ZMAT4: variants seen among roughly 807,000 people sequenced by gnomAD.
ZMAT4 encodes the protein zinc finger matrin-type protein 4.
Under a neutral mutation model 28.7 loss-of-function variants are expected in ZMAT4, and 17 were observed. That is an observed-to-expected ratio of 0.59 (90% CI 0.41 to 0.89). ZMAT4 has a LOEUF of 0.89. Among genes scored for constraint, ZMAT4 ranks in the 40% least tolerant of loss-of-function variants. The pLI, the probability that ZMAT4 is intolerant of heterozygous loss-of-function variation, is 0.00. For synonymous variants in ZMAT4, 117 were observed against 109.2 expected, an observed-to-expected ratio of 1.07 and a Z score of -0.44; for missense variants, 240 against 283.8, an observed-to-expected ratio of 0.85 and a Z score of 1.11.
chr8:40,676,054 T>G (rs892199783), intron 4 of ZMAT4, among the ~76,000 whole-genome samples: 6 of 152,214 alleles, frequency 3.9e-5, no homozygotes, highest in Non-Finnish European at 7.3e-5. Context: ...TTCTATGTAT[T>G]ACAACATACA....
At chr8:40,608,242 C>G (rs2589881) in intron 5 of ZMAT4, among the ~76,000 whole-genome samples, 116,823 of 152,056 alleles carry the variant, frequency 0.77, 45,072 homozygotes, top group East Asian at 0.97. Context: ...CTTGGGCAAG[C>G]CTTGCTGTAG....
chr8:40,733,341 A>G (rs1266228178), intron 3 of ZMAT4, among the ~76,000 whole-genome samples: 3 of 152,214 alleles, frequency 2.0e-5, no homozygotes, highest in African/African-American at 7.2e-5. Flanking sequence ...CAAGCTTAAA[A>G]TGCCTTGAAA....
At chr8:40,537,755 G>A (rs1240138961) in intron 6 of ZMAT4, among the ~76,000 whole-genome samples, 1 of 152,124 alleles carries the variant, frequency 6.6e-6, no homozygotes, top group Non-Finnish European at 1.5e-5. Context: ...GATTATCTAG[G>A]GAGGTCGAAC....
At chr8:40,716,556 G>A (rs1413784979) in intron 3 of ZMAT4, among the ~76,000 whole-genome samples, 4 of 152,192 alleles carry the variant, frequency 2.6e-5, no homozygotes, top group South Asian at 4.1e-4. Flanking sequence ...GCTGGGTGTG[G>A]TGGTGCATGC....
chr8:40,682,611 G>A (rs1809225177), intron 4 of ZMAT4, among the ~76,000 whole-genome samples: 1 of 152,188 alleles, frequency 6.6e-6, no homozygotes, highest in Admixed American at 6.5e-5. Flanking sequence ...TATATCCGAT[G>A]TTTCAAAATA....
At chr8:40,781,501 G>T (rs893275455) in intron 2 of ZMAT4, among the ~76,000 whole-genome samples, 1 of 151,962 alleles carries the variant, frequency 6.6e-6, no homozygotes, top group Admixed American at 6.6e-5. Context: ...GGTGGCTCAC[G>T]CCTGTAATCC....
chr8:40,811,381 C>T (rs1815307437), intron 2 of ZMAT4, among the ~76,000 whole-genome samples: 1 of 152,186 alleles, frequency 6.6e-6, no homozygotes, highest in Non-Finnish European at 1.5e-5. Flanking sequence ...CAATTAAAGG[C>T]ATCCTCCGGA....
At chr8:40,641,272 C>T (rs1807015706) in intron 5 of ZMAT4, among the ~76,000 whole-genome samples, 1 of 152,058 alleles carries the variant, frequency 6.6e-6, no homozygotes, top group Non-Finnish European at 1.5e-5. Flanking sequence ...CGCTAAAAGC[C>T]TTTTAAAAGA....
At chr8:40,619,302 A>C (rs1178045427) in intron 5 of ZMAT4, among the ~76,000 whole-genome samples, 1 of 152,218 alleles carries the variant, frequency 6.6e-6, no homozygotes. Flanking sequence ...TGCCCATTCC[A>C]ACTCTCTGCA....
At chr8:40,700,245 T>C (rs906799429) in intron 3 of ZMAT4, among the ~76,000 whole-genome samples, 2 of 144,112 alleles carry the variant, frequency 1.4e-5, no homozygotes, top group Admixed American at 7.2e-5. Context: ...AATTGTAAGA[T>C]TAAAAAAAAA....
chr8:40,561,023 G>A (rs1249327684), intron 6 of ZMAT4, among the ~76,000 whole-genome samples: 1 of 152,022 alleles, frequency 6.6e-6, no homozygotes, highest in East Asian at 1.9e-4. Context: ...TTCTATGTTG[G>A]CACTACACAT....
chr8:40,719,346 G>A (rs2150515139), intron 3 of ZMAT4, among the ~76,000 whole-genome samples: 1 of 152,272 alleles, frequency 6.6e-6, no homozygotes, highest in South Asian at 2.1e-4. Context: ...GGGGGCTGAG[G>A]CAAGATAATT....
At chr8:40,538,203 G>T (rs1040657648) in intron 6 of ZMAT4, among the ~76,000 whole-genome samples, 13 of 152,106 alleles carry the variant, frequency 8.5e-5, no homozygotes, top group African/African-American at 2.7e-4. Flanking sequence ...GGCTTCCTCT[G>T]CAAATAAAAA....
At chr8:40,596,158 C>T (rs1021833560) in intron 5 of ZMAT4, among the ~76,000 whole-genome samples, 2 of 152,094 alleles carry the variant, frequency 1.3e-5, no homozygotes, top group African/African-American at 4.8e-5. Context: ...TTGTATGGGG[C>T]ACCTACTGTA....
At chr8:40,544,816 A>T (rs1325680674) in intron 6 of ZMAT4, among the ~76,000 whole-genome samples, 1 of 152,104 alleles carries the variant, frequency 6.6e-6, no homozygotes, top group Non-Finnish European at 1.5e-5. Context: ...AAAAAGGATG[A>T]CTCAGAGGAT....
chr8:40,684,460 C>G (rs890646555), intron 4 of ZMAT4, among the ~76,000 whole-genome samples: 1 of 152,146 alleles, frequency 6.6e-6, no homozygotes, highest in Non-Finnish European at 1.5e-5. Flanking sequence ...CTGGAGGCAC[C>G]CCCTGGATCA....
intron 4 of ZMAT4, among the ~76,000 whole-genome samples, chr8:40,691,772 C>A (rs1320364175): frequency 6.6e-6 from 1 of 152,108 alleles, no homozygotes; most frequent in African/African-American, 2.4e-5. Context: ...TAATGTGTTT[C>A]CGTCACTTTA....
At chr8:40,659,540 CT>C (rs542570279) in intron 5 of ZMAT4, among the ~76,000 whole-genome samples, 3 of 152,138 alleles carry the variant, frequency 2.0e-5, no homozygotes, top group Admixed American at 6.5e-5. Flanking sequence ...CAAAATAAAC[CT>C]TTTTTTGTGG....
chr8:40,695,370 T>C (rs373636263), intron 4 of ZMAT4, among the ~76,000 whole-genome samples: 1 of 152,144 alleles, frequency 6.6e-6, no homozygotes, highest in Non-Finnish European at 1.5e-5. Flanking sequence ...AGATCCTTTC[T>C]GCTCAAAGCA....
Sources: gnomAD v4.1 joint callset for allele counts (sites outside exome capture counted in the v4.1 genomes callset) on GRCh38, gnomAD v4.1.1 for gene constraint, MANE v1.5 for transcripts, NCBI Gene and HGNC (gene_info 2026-07-23, HGNC 2026-07-21) for gene names.